NBN: variants seen among roughly 807,000 people sequenced by gnomAD.
The protein encoded by NBN is nibrin.
In NBN, 88 loss-of-function variants were observed where a neutral mutation model predicts 90.8. That is an observed-to-expected ratio of 0.97 (90% CI 0.82 to 1.16). NBN has a LOEUF of 1.16. Among genes scored for constraint, NBN ranks in the 50% most tolerant of loss-of-function variants. The pLI is 0.00. For missense variants in NBN, 894 were observed against 869.6 expected, an observed-to-expected ratio of 1.03 and a Z score of -0.35; for synonymous variants, 328 against 295.1, an observed-to-expected ratio of 1.11 and a Z score of -1.14.
At chr8:89,947,079 G>A (rs762771057) in intron 12 of NBN, among the ~76,000 whole-genome samples, 1 of 152,118 alleles carries the variant, frequency 6.6e-6, no homozygotes, top group East Asian at 1.9e-4. Flanking sequence ...AGAAAAAAAG[G>A]TTCATCTGAT....
At chr8:89,941,131 T>C (rs1260332782) in intron 14 of NBN, among the ~76,000 whole-genome samples, 1 of 152,116 alleles carries the variant, frequency 6.6e-6, no homozygotes, top group Non-Finnish European at 1.5e-5. Flanking sequence ...AAATGTCTTA[T>C]AGAGAGCCCA....
intron 13 of NBN, among the ~76,000 whole-genome samples, chr8:89,944,202 C>G (rs979579440): frequency 6.6e-6 from 1 of 152,128 alleles, no homozygotes; most frequent in Non-Finnish European, 1.5e-5. Flanking sequence ...GACAAAACTT[C>G]TTCTCTAAGC....
At chr8:89,953,899 C>T (rs1810576429) in intron 10 of NBN, among the ~76,000 whole-genome samples, 1 of 152,008 alleles carries the variant, frequency 6.6e-6, no homozygotes, top group Non-Finnish European at 1.5e-5. Flanking sequence ...ACTGACGGAC[C>T]CTGTGGCTAA....
In NBN at chr8:89,958,769, A is replaced by G. The variant is rs876660415; in HGVS notation, c.1080T>C (p.Thr360=). The change falls in exon 9 of 16, where the codon ACT becomes ACC. Residue 360 remains threonine (T), a synonymous_variant. Transcript: ENST00000265433. The part of the protein sequence containing the change: ...EKLMPSAPVN[T]TTYVADTESE... ...ATTCTGTGTCAGCTACGTATGTTGTAGTGTTCACTGGGGCGCTTGGCATTA... is the reference window on the plus strand; with the variant it reads ...ATTCTGTGTCAGCTACGTATGTTGTGGTGTTCACTGGGGCGCTTGGCATTA... The G allele has an allele frequency of 6.2e-7, 1 of 1,614,108 alleles. No individual in the cohort carries two copies.
In NBN at chr8:89,938,310, T is replaced by C. The variant is rs75393209; in HGVS notation, c.2185-1235A>G. Among the ~76,000 whole-genome samples the C allele has an allele frequency of 7.0e-3, 1,070 of 152,274 alleles. 10 individuals carry two copies. The highest frequency in any genetic ancestry group is 0.024 in the African/African-American group (1,018 of 41,552). On this transcript the variant is annotated intron_variant, in intron 14 of 15. Transcript: ENST00000265433. ...CTTGAATCATGTTGTTTTGTTGTAA[T>C]AATGAGAAAAAATATTGGTTATGTA... is the stretch of plus-strand genomic sequence containing the variant.
intron 2 of NBN, chr8:89,982,051 G>T: frequency 4.1e-6 from 3 of 723,438 alleles, no homozygotes; most frequent in East Asian, 6.0e-5. Context: ...AATTCATATC[G>T]CATATATGCA....
chr8:89,965,817 G>C (rs1244345739), intron 7 of NBN, among the ~76,000 whole-genome samples: 1 of 152,076 alleles, frequency 6.6e-6, no homozygotes, highest in African/African-American at 2.4e-5. Flanking sequence ...TAGTTCGTAA[G>C]GTCTTTTTGA....
At chr8:89,982,916 C>T in intron 1 of NBN, 61 bp from the exon 2 acceptor site, 1 of 1,495,552 alleles carries the variant, frequency 6.7e-7, no homozygotes, top group Non-Finnish European at 9.3e-7. Flanking sequence ...TGTACACGAA[C>T]ACACACATAC....
chr8:89,961,652 T>G (rs1805821), intron 8 of NBN, among the ~76,000 whole-genome samples: 2,780 of 152,240 alleles, frequency 0.018, 79 homozygotes, highest in African/African-American at 0.062. Flanking sequence ...GCACACATAT[T>G]CTGTAGAGAA....
intron 12 of NBN, among the ~76,000 whole-genome samples, chr8:89,946,813 G>A (rs1028357656): frequency 1.3e-5 from 2 of 152,052 alleles, no homozygotes; most frequent in African/African-American, 4.8e-5. Context: ...CTCATTAATT[G>A]ACAAGCCATT....
At chr8:89,940,142 G>C (rs966130771) in intron 14 of NBN, among the ~76,000 whole-genome samples, 1 of 152,090 alleles carries the variant, frequency 6.6e-6, no homozygotes, top group African/African-American at 2.4e-5. Flanking sequence ...CTGAAGTGCA[G>C]GGGCTCAATC....
At chr8:89,975,135 C>T (rs1166833963) in intron 5 of NBN, among the ~76,000 whole-genome samples, 1 of 152,144 alleles carries the variant, frequency 6.6e-6, no homozygotes, top group Non-Finnish European at 1.5e-5. Flanking sequence ...TGATGACAGT[C>T]AAGGAAAATG....
At chr8:89,976,951 G>C (rs1247641558) in intron 5 of NBN, among the ~76,000 whole-genome samples, 1 of 152,068 alleles carries the variant, frequency 6.6e-6, no homozygotes, top group African/African-American at 2.4e-5. Context: ...CTGTTATCCG[G>C]TATAAACAGT....
intron 13 of NBN, among the ~76,000 whole-genome samples, chr8:89,945,481 T>C (rs187169418): frequency 9.5e-4 from 144 of 152,304 alleles, no homozygotes; most frequent in Admixed American, 1.8e-3. Context: ...GATCATGTTA[T>C]AGAGGAAAGC....
chr8:89,937,792 C>G (rs928638863), intron 14 of NBN, among the ~76,000 whole-genome samples: 1 of 152,148 alleles, frequency 6.6e-6, no homozygotes, highest in Admixed American at 6.5e-5. Context: ...TCTTCGTGGA[C>G]TCTGTATGCC....
chr8:89,977,046 C>T (rs927917466), intron 5 of NBN, among the ~76,000 whole-genome samples: 1 of 151,992 alleles, frequency 6.6e-6, no homozygotes, highest in African/African-American at 2.4e-5. Context: ...ACTGGCATAA[C>T]ATTTAAAATT....
At chr8:89,963,015 C>T (rs913957934) in intron 8 of NBN, among the ~76,000 whole-genome samples, 1 of 152,124 alleles carries the variant, frequency 6.6e-6, no homozygotes, top group Admixed American at 6.5e-5. Flanking sequence ...CCCTCATCTA[C>T]GAAAAGTAGA....
At chr8:89,970,133 C>T (rs1365115652) in intron 7 of NBN, among the ~76,000 whole-genome samples, 1 of 151,672 alleles carries the variant, frequency 6.6e-6, no homozygotes, top group Admixed American at 6.6e-5. Context: ...CCTATAATCG[C>T]AGCTACTCAG....
At chr8:89,971,122 T>C (rs767041787) in intron 6 of NBN, 51 bp downstream of exon 6, 2 of 1,541,808 alleles carry the variant, frequency 1.3e-6, no homozygotes, top group East Asian at 4.6e-5. Flanking sequence ...TAATAATGTA[T>C]CCTAGTTTGT....
Sources: gnomAD v4.1 joint callset for allele counts (sites outside exome capture counted in the v4.1 genomes callset) on GRCh38, gnomAD v4.1.1 for gene constraint, MANE v1.5 for transcripts, NCBI Gene and HGNC (gene_info 2026-07-23, HGNC 2026-07-21) for gene names.